EPHB1: variants seen among roughly 807,000 people sequenced by gnomAD.
EPHB1 encodes the protein ephrin type-B receptor 1.
In EPHB1, 30 loss-of-function variants were observed where a neutral mutation model predicts 94.4. That is an observed-to-expected ratio of 0.32 (90% confidence interval 0.24 to 0.43). The LOEUF (loss-of-function observed/expected upper bound fraction) is 0.43. Ranked by LOEUF, EPHB1 falls within the 20% of genes least tolerant of loss-of-function variation. EPHB1 has a pLI of 1.00. For missense variants in EPHB1, 1,055 were observed against 1,308.3 expected (o/e 0.81, Z 2.99); for synonymous variants, 522 against 489.1 (o/e 1.07, Z -0.89).
intron 1 of EPHB1, among the ~76,000 whole-genome samples, chr3:134,899,702 G>GTC (rs148471920): frequency 0.027 from 4,174 of 152,178 alleles, 181 homozygotes; most frequent in African/African-American, 0.093. Context: ...AAGAGACAGG[G>GTC]TCTCACTCTG....
At chr3:134,856,353 G>A (rs1161137270) in intron 1 of EPHB1, among the ~76,000 whole-genome samples, 1 of 152,178 alleles carries the variant, frequency 6.6e-6, no homozygotes, top group African/African-American at 2.4e-5. Flanking sequence ...GTGAGTGGGG[G>A]CAGGAGCTGA....
At chr3:134,818,324 A>T (rs2036309361) in intron 1 of EPHB1, among the ~76,000 whole-genome samples, 1 of 152,224 alleles carries the variant, frequency 6.6e-6, no homozygotes, top group Non-Finnish European at 1.5e-5. Flanking sequence ...CTTAGGATGT[A>T]TGACCTTATG....
intron 1 of EPHB1, among the ~76,000 whole-genome samples, chr3:134,821,938 A>G (rs1301258549): frequency 6.6e-6 from 1 of 152,212 alleles, no homozygotes; most frequent in Non-Finnish European, 1.5e-5. Flanking sequence ...GTGGGTTAAC[A>G]GCAGAGTGGC....
chr3:134,867,747 C>G (rs1230107279), intron 1 of EPHB1, among the ~76,000 whole-genome samples: 1 of 152,130 alleles, frequency 6.6e-6, no homozygotes, highest in Non-Finnish European at 1.5e-5. Flanking sequence ...TTCTCCATCT[C>G]CCTCAGCCCC....
chr3:135,192,377 A>G (rs549059726), intron 10 of EPHB1, among the ~76,000 whole-genome samples, 199 bp from the exon 11 acceptor site: 3 of 12,108 alleles, frequency 2.5e-4, no homozygotes. Context: ...TAAGGAATGT[A>G]CTTTAGTAAT....
intron 3 of EPHB1, among the ~76,000 whole-genome samples, chr3:135,085,284 A>G (rs1938315833): frequency 6.6e-6 from 1 of 152,208 alleles, no homozygotes; most frequent in Non-Finnish European, 1.5e-5. Context: ...GTGTCTTCCC[A>G]AGTGTATTAC....
chr3:135,048,252 C>CTT (rs1323642991), intron 3 of EPHB1, among the ~76,000 whole-genome samples: 30 of 83,392 alleles, frequency 3.6e-4, no homozygotes, highest in South Asian at 1.3e-3. Context: ...TTCTTTCTTT[C>CTT]TTTTTTCTTT....
In EPHB1 at chr3:135,121,454, A is replaced by G. The variant is rs919752546; in HGVS notation, c.962-11260A>G. 2.6e-5 allele frequency among the ~76,000 whole-genome samples: 4 copies of G among 152,224 alleles called. No homozygotes were observed. The East Asian group carries it at 7.7e-4, about 29-fold the overall frequency. ...AACTCTGTAGAAGTTCTGTCCTGTAAGACCTATTCCTCTGTTGTGCCAAAG... is the reference window on the plus strand; with the variant it reads ...AACTCTGTAGAAGTTCTGTCCTGTAGGACCTATTCCTCTGTTGTGCCAAAG... On this transcript the variant is annotated intron_variant, in intron 4 of 15. Transcript: ENST00000398015.
chr3:135,071,763 C>T (rs1937721529), intron 3 of EPHB1, among the ~76,000 whole-genome samples: 1 of 152,214 alleles, frequency 6.6e-6, no homozygotes, highest in East Asian at 1.9e-4. Context: ...CACTCACCTG[C>T]TGACTTGACA....
intron 4 of EPHB1, among the ~76,000 whole-genome samples, chr3:135,128,456 G>A (rs368059931): frequency 4.3e-4 from 66 of 152,240 alleles, no homozygotes; most frequent in African/African-American, 1.5e-3. Context: ...TCTACCTGCA[G>A]GAATATGCCC....
chr3:134,942,729 T>C (rs774558903), intron 2 of EPHB1, among the ~76,000 whole-genome samples: 1 of 152,094 alleles, frequency 6.6e-6, no homozygotes, highest in African/African-American at 2.4e-5. Context: ...GAGATGAAAA[T>C]GGAGTGGATT....
chr3:134,963,639 A>C (rs931006876), intron 3 of EPHB1, among the ~76,000 whole-genome samples: 5 of 152,162 alleles, frequency 3.3e-5, no homozygotes, highest in African/African-American at 9.7e-5. Context: ...TTTCCATTGA[A>C]GATACCGAGG....
intron 3 of EPHB1, among the ~76,000 whole-genome samples, chr3:135,069,007 C>G (rs1266223875): frequency 6.9e-6 from 1 of 145,752 alleles, no homozygotes; most frequent in Non-Finnish European, 1.5e-5. Context: ...AAATTAAAAA[C>G]TTTTGGCCGG....
intron 1 of EPHB1, among the ~76,000 whole-genome samples, chr3:134,797,267 G>A (rs2035847953): frequency 6.6e-6 from 1 of 152,184 alleles, no homozygotes; most frequent in African/African-American, 2.4e-5. Flanking sequence ...GTGGAGTGCC[G>A]TCAACACCCT....
intron 3 of EPHB1, among the ~76,000 whole-genome samples, chr3:135,031,922 T>G (rs1936486419): frequency 1.3e-5 from 2 of 152,076 alleles, no homozygotes; most frequent in South Asian, 4.1e-4. Flanking sequence ...TTGATTTGGC[T>G]TCTTCTGCTT....
intron 3 of EPHB1, among the ~76,000 whole-genome samples, chr3:135,083,987 C>T (rs1311931145): frequency 6.6e-6 from 1 of 152,058 alleles, no homozygotes; most frequent in African/African-American, 2.4e-5. Context: ...ATGGTGAAAT[C>T]GCTACTGAGG....
Position 134,951,318 on chromosome 3 carries a change from C to T in EPHB1, c.124-53C>T, listed in dbSNP as rs1933019087. 27 of 1,462,506 alleles carry T rather than the reference C, an allele frequency of 1.8e-5. No individual in the cohort carries two copies. In the East Asian group the frequency reaches 2.1e-4, roughly 12 times the overall value. The allele number at this position is 1,462,506 out of a possible 1,614,324, so 90.6% of individuals were successfully genotyped here. A position where few individuals can be genotyped will look rare whatever the true frequency, so the allele number is the denominator to read the frequency against. ...TCTGCTATGCCTATTTTTGTATTCT[C>T]ACTCTCTATTTTGTGTTTTTGCATG... On this transcript the variant is annotated intron_variant, in intron 2 of 15. Coordinates refer to ENST00000398015, the MANE Select transcript of EPHB1 (RefSeq NM_004441.5). This position sits in a 1 kb window ranked among gnomAD's most constrained non-coding sequence, Gnocchi z 4.5.
intron 3 of EPHB1, among the ~76,000 whole-genome samples, chr3:135,020,543 T>C (rs866248482): frequency 6.6e-6 from 1 of 152,218 alleles, no homozygotes; most frequent in Non-Finnish European, 1.5e-5. Flanking sequence ...CCTTTTATAA[T>C]TGGTTTCTTT....
At chr3:135,207,301 C>A (rs144317262) in intron 12 of EPHB1, among the ~76,000 whole-genome samples, 2 of 152,194 alleles carry the variant, frequency 1.3e-5, no homozygotes, top group Non-Finnish European at 2.9e-5. Flanking sequence ...ATTTTACTAT[C>A]ATTTCTCCAC....
Sources: gnomAD v4.1 joint callset for allele counts (sites outside exome capture counted in the v4.1 genomes callset) on GRCh38, gnomAD v4.1.1 for gene constraint, Gnocchi (gnomAD v3.1) non-coding constraint, MANE v1.5 for transcripts, NCBI Gene and HGNC (gene_info 2026-07-23, HGNC 2026-07-21) for gene names.